Variants in RUNX1 observed in about 807,000 individuals in gnomAD.
The protein encoded by RUNX1 is RUNX family transcription factor 1.
In RUNX1, 19 loss-of-function variants were observed where a neutral mutation model predicts 42.8. The observed-to-expected ratio is 0.44, with a 90% CI of 0.31 to 0.65. RUNX1 has a LOEUF of 0.65. Ranked by LOEUF, RUNX1 falls within the 30% of genes least tolerant of loss-of-function variation. The pLI is 0.07. For synonymous variants in RUNX1, 271 were observed against 289.4 expected, an observed-to-expected ratio of 0.94 and a Z score of 0.64; for missense variants, 528 against 672.0, an observed-to-expected ratio of 0.79 and a Z score of 2.37.
chr21:34,946,737 A>G (rs994506314), intron 2 of RUNX1, among the ~76,000 whole-genome samples: 5 of 152,160 alleles, frequency 3.3e-5, no homozygotes, highest in Non-Finnish European at 5.9e-5. Flanking sequence ...CTGGTGACCT[A>G]CAGACATGGA....
chr21:34,889,702 T>C (rs1193187445), intron 3 of RUNX1: 3 of 1,174,818 alleles, frequency 2.6e-6, no homozygotes. Flanking sequence ...GGGCGGCCGC[T>C]TCCCCCTGCG....
chr21:34,850,281 A>T (rs2057399450), intron 6 of RUNX1, among the ~76,000 whole-genome samples: 1 of 152,196 alleles, frequency 6.6e-6, no homozygotes. Context: ...GGGCTGCCCC[A>T]TCAGACCCCC....
rs916623598 is a variant in RUNX1 at position 34,792,224 on chromosome 21, C to T, written c.1354G>A (p.Val452Met). The T allele has an allele frequency of 2.8e-5, 43 of 1,540,172 alleles. No individual in the cohort carries two copies. The highest frequency in any genetic ancestry group is 3.6e-5 in the Non-Finnish European group (41 of 1,149,170). Residue 452 changes from valine (V) to methionine (M), a missense_variant, in exon 9 of 9, where the codon GTG becomes ATG. Around this residue, in one of 3 missense-constraint regions of RUNX1, gnomAD observed 331 missense variants for 382.5 expected, o/e 0.87. Coordinates refer to ENST00000675419, the MANE Select transcript of RUNX1 (RefSeq NM_001754.5). The surrounding 1 kb of genome is among the most constrained non-coding windows in gnomAD (Gnocchi z 6.9). Reference sequence around the variant, plus strand: ...CTGTGGCTGCCCTCGGCCTCCACCACGTCGCTCTGGTTCGGGAGGCTGGGG... The same window carrying T: ...CTGTGGCTGCCCTCGGCCTCCACCATGTCGCTCTGGTTCGGGAGGCTGGGG... Reference protein sequence around the residue: ...LNPSLPNQSDVVEAEGSHSNS... With the variant: ...LNPSLPNQSDMVEAEGSHSNS...
At chr21:34,937,786 C>T (rs2058497522) in intron 2 of RUNX1, among the ~76,000 whole-genome samples, 1 of 151,956 alleles carries the variant, frequency 6.6e-6, no homozygotes, top group Non-Finnish European at 1.5e-5. Context: ...ACCCAGTGAT[C>T]CTAGTTTTCT....
chr21:34,908,595 C>T (rs897112865), intron 2 of RUNX1, among the ~76,000 whole-genome samples: 1 of 152,132 alleles, frequency 6.6e-6, no homozygotes, highest in Non-Finnish European at 1.5e-5. Flanking sequence ...GGGGGAGGTG[C>T]AATCTCCATT....
At chr21:34,881,039 C>T (rs775786750) in intron 4 of RUNX1, among the ~76,000 whole-genome samples, 16 of 152,110 alleles carry the variant, frequency 1.1e-4, no homozygotes, top group Non-Finnish European at 1.8e-4. Context: ...ACTAAATTTA[C>T]CTCATAAAGC....
intron 2 of RUNX1, among the ~76,000 whole-genome samples, chr21:34,993,804 GACACACACACACACATACACAGAC>G: frequency 1.1e-5 from 1 of 90,634 alleles, no homozygotes; most frequent in Middle Eastern, 8.1e-3. Flanking sequence ...CACACACACA[GACACACACACACACATACACAGAC>G]ACACACACAG....
chr21:35,026,858 G>T (rs183195742), intron 2 of RUNX1, among the ~76,000 whole-genome samples: 3 of 152,354 alleles, frequency 2.0e-5, no homozygotes, highest in African/African-American at 4.8e-5. Context: ...GCGCCGCAGC[G>T]ACGGAACTTC....
intron 2 of RUNX1, among the ~76,000 whole-genome samples, chr21:34,894,918 C>G: frequency 1.4e-5 from 2 of 144,574 alleles, no homozygotes; most frequent in South Asian, 4.3e-4. Flanking sequence ...CACACACACA[C>G]ACACACACAC....
At position 34,791,921 on chromosome 21, in the gene RUNX1, G is replaced by C; in HGVS notation, c.*214C>G. 3.1e-6 allele frequency: 1 copy of C among 317,484 alleles called. No individual in the cohort carries two copies. 19.7% of individuals were successfully genotyped at this position (317,484 alleles called of 1,614,324 possible). The stretch of plus-strand genomic sequence containing the variant: ...CTCGGACACCTCCGCGAGGGCCGGG[G>C]CGCCAGCAGACGGCGGCGGCGTGGG... On this transcript the variant is annotated 3_prime_UTR_variant, in exon 9 of 9. Coordinates refer to ENST00000675419, the MANE Select transcript of RUNX1 (RefSeq NM_001754.5).
chr21:35,018,741 C>T (rs2059177402), intron 2 of RUNX1, among the ~76,000 whole-genome samples: 1 of 152,136 alleles, frequency 6.6e-6, no homozygotes, highest in Non-Finnish European at 1.5e-5. Context: ...AGTCACACCT[C>T]ACCCTGGGAC....
At chr21:34,914,571 T>A (rs1403860744) in intron 2 of RUNX1, among the ~76,000 whole-genome samples, 1 of 152,164 alleles carries the variant, frequency 6.6e-6, no homozygotes. Flanking sequence ...CTCCCCTTCA[T>A]ATGGTCAGTT....
intron 4 of RUNX1, among the ~76,000 whole-genome samples, chr21:34,884,302 A>G (rs2057948490): frequency 6.6e-6 from 1 of 152,238 alleles, no homozygotes. Flanking sequence ...ATAATTTTAA[A>G]TCTCTCTTTA....
intron 7 of RUNX1, among the ~76,000 whole-genome samples, chr21:34,824,504 T>G (rs1320361011): frequency 2.0e-5 from 3 of 152,218 alleles, no homozygotes; most frequent in Non-Finnish European, 4.4e-5. Flanking sequence ...TCAGTGAAGA[T>G]TTTATTTACA....
chr21:34,822,071 C>A (rs148854095), intron 7 of RUNX1, among the ~76,000 whole-genome samples: 2 of 152,344 alleles, frequency 1.3e-5, no homozygotes, highest in East Asian at 3.9e-4. Context: ...GGCAACCCTA[C>A]TGGTTTTCCT....
chr21:35,043,149 A>T (rs1244284927), intron 2 of RUNX1, among the ~76,000 whole-genome samples: 1 of 152,214 alleles, frequency 6.6e-6, no homozygotes, highest in African/African-American at 2.4e-5. Context: ...GTGTTCTCGT[A>T]AAGTACTCCC....
chr21:35,035,009 A>C (rs931892482), intron 2 of RUNX1, among the ~76,000 whole-genome samples: 3 of 152,222 alleles, frequency 2.0e-5, no homozygotes, highest in Non-Finnish European at 4.4e-5. Context: ...AGGATGCATT[A>C]GTGACCACGC....
chr21:35,042,611 C>T (rs1313745939), intron 2 of RUNX1, among the ~76,000 whole-genome samples: 1 of 152,204 alleles, frequency 6.6e-6, no homozygotes, highest in Non-Finnish European at 1.5e-5. Flanking sequence ...AATAAAAATA[C>T]CAGGACCCAC....
At chr21:34,961,402 C>A (rs1443637285) in intron 2 of RUNX1, among the ~76,000 whole-genome samples, 1 of 151,760 alleles carries the variant, frequency 6.6e-6, no homozygotes, top group Non-Finnish European at 1.5e-5. Context: ...ATAACAATAA[C>A]AGAAACAAGG....
Sources: gnomAD v4.1 joint callset for allele counts (sites outside exome capture counted in the v4.1 genomes callset) on GRCh38, gnomAD v4.1.1 for gene constraint, gnomAD v4.1.1 regional missense constraint, Gnocchi (gnomAD v3.1) non-coding constraint, MANE v1.5 for transcripts, NCBI Gene and HGNC (gene_info 2026-07-23, HGNC 2026-07-21) for gene names.